Variants in TRPC7 observed in about 807,000 individuals in gnomAD.
TRPC7 encodes the protein short transient receptor potential channel 7.
A neutral mutation model predicts 90.1 loss-of-function variants in TRPC7; 42 were observed. That is an observed-to-expected ratio of 0.47 (90% confidence interval 0.36 to 0.60). TRPC7 has a LOEUF of 0.60. Among genes scored for constraint, TRPC7 ranks in the 20% least tolerant of loss-of-function variants. TRPC7 has a pLI of 0.00. For synonymous variants in TRPC7, 451 were observed against 436.3 expected, an observed-to-expected ratio of 1.03 and a Z score of -0.42; for missense variants, 955 against 1,112.3, an observed-to-expected ratio of 0.86 and a Z score of 2.01.
chr5:136,360,159 C>T (rs945198228), intron 1 of TRPC7, among the ~76,000 whole-genome samples: 6 of 152,114 alleles, frequency 3.9e-5, no homozygotes, highest in African/African-American at 1.4e-4. Context: ...CAAGTCATAG[C>T]AGAGAAATAT....
intron 2 of TRPC7, among the ~76,000 whole-genome samples, chr5:136,332,360 G>A (rs965266636): frequency 6.6e-6 from 1 of 152,140 alleles, no homozygotes; most frequent in Non-Finnish European, 1.5e-5. Flanking sequence ...TGCACGGACT[G>A]TGACGACTGC....
At chr5:136,270,222 ATC>A (rs2149813822) in intron 4 of TRPC7, among the ~76,000 whole-genome samples, 1 of 152,318 alleles carries the variant, frequency 6.6e-6, no homozygotes, top group African/African-American at 2.4e-5. Context: ...TTAAGTGCAG[ATC>A]TCTGGAGCCA....
chr5:136,320,020 A>T (rs1759140832), intron 2 of TRPC7, among the ~76,000 whole-genome samples: 1 of 152,038 alleles, frequency 6.6e-6, no homozygotes, highest in Non-Finnish European at 1.5e-5. Context: ...TCTTTCACCC[A>T]CCTTTCTTCT....
chr5:136,263,095 A>G (rs1756909197), intron 5 of TRPC7, among the ~76,000 whole-genome samples: 1 of 152,258 alleles, frequency 6.6e-6, no homozygotes, highest in Non-Finnish European at 1.5e-5. Context: ...GTGAAACTCC[A>G]CAAACAACTG....
chr5:136,231,744 A>G (rs1478224009), intron 7 of TRPC7, among the ~76,000 whole-genome samples, 195 bp from the exon 8 acceptor site: 1 of 152,074 alleles, frequency 6.6e-6, no homozygotes, highest in Non-Finnish European at 1.5e-5. Context: ...AGGTGGGACT[A>G]CAGCTGTGCA....
At position 136,251,728 on chromosome 5, in the gene TRPC7, C is replaced by T; in HGVS notation, c.1500G>A (p.Gln500=). The T allele has an allele frequency of 6.2e-7, 1 of 1,613,980 alleles. No individual in the cohort carries two copies. Among genetic ancestry groups the T allele is most frequent in the African/African-American group, 1.3e-5 (1 of 75,050 alleles). ...FMAFLKATEA[Q]LYVDQHVQDD... is the part of the protein sequence containing the mutation. ...CCTGCACGTGCTGGTCCACGTACAGCTGTGCCTCCGTGGCCTTCAGGAAGG... is the reference window on the plus strand; with the variant it reads ...CCTGCACGTGCTGGTCCACGTACAGTTGTGCCTCCGTGGCCTTCAGGAAGG... Residue 500 remains glutamine, a synonymous_variant, in exon 6 of 12, where the codon CAG becomes CAA. Transcript: ENST00000513104.
At chr5:136,363,949 A>T (rs1760646060) in intron 1 of TRPC7, among the ~76,000 whole-genome samples, 2 of 152,142 alleles carry the variant, frequency 1.3e-5, no homozygotes, top group Admixed American at 6.6e-5. Context: ...CTTTATTTTT[A>T]AAAAAGATTT....
At position 136,351,256 on chromosome 5, in the gene TRPC7, T is replaced by G. The variant is rs955832320; in HGVS notation, c.780+5352A>C. Among the ~76,000 whole-genome samples the G allele has an allele frequency of 7.2e-5, 11 of 152,304 alleles. No individual in the cohort carries two copies. In the South Asian group the frequency reaches 1.9e-3, roughly 26 times the overall value. On this transcript the variant is annotated intron_variant, in intron 2 of 11. Transcript: ENST00000513104. Reference sequence around the variant, plus strand: ...GAGGACTTTTCTTCTAGATTCTGTCTTACACACACAGGCACACATCACACA... The same window carrying G: ...GAGGACTTTTCTTCTAGATTCTGTCGTACACACACAGGCACACATCACACA...
intron 3 of TRPC7, among the ~76,000 whole-genome samples, chr5:136,312,327 G>A (rs1758858053): frequency 6.6e-6 from 1 of 152,118 alleles, no homozygotes; most frequent in Non-Finnish European, 1.5e-5. Context: ...CATTCTCTGG[G>A]GAGATAACAA....
intron 2 of TRPC7, among the ~76,000 whole-genome samples, chr5:136,342,449 G>A (rs1202091291): frequency 1.3e-5 from 2 of 152,186 alleles, no homozygotes; most frequent in East Asian, 3.9e-4. Flanking sequence ...GAGAGTAGGG[G>A]TTGTGTTTTG....
intron 6 of TRPC7, among the ~76,000 whole-genome samples, chr5:136,249,703 G>A (rs1561687209): frequency 6.6e-6 from 1 of 152,226 alleles, no homozygotes; most frequent in Non-Finnish European, 1.5e-5. Flanking sequence ...GAGTTGTGAT[G>A]AGTGTAGAAT....
At chr5:136,280,994 T>C (rs1350339564) in intron 3 of TRPC7, among the ~76,000 whole-genome samples, 4 of 152,206 alleles carry the variant, frequency 2.6e-5, no homozygotes, top group Admixed American at 2.6e-4. Context: ...CCAGGCCAGT[T>C]TGACATCAAA....
In TRPC7 at chr5:136,357,353, C is replaced by T. The variant is rs758800404; in HGVS notation, c.35G>A (p.Arg12His). 4.4e-6 allele frequency: 7 copies of T among 1,601,760 alleles called. No homozygotes were observed. The highest frequency in any genetic ancestry group is 4.5e-5 in the East Asian group (2 of 44,858). Residue 12 changes from arginine (R) to histidine (H), a missense_variant, in exon 2 of 12, where the codon CGC (arginine) becomes CAC (histidine). Transcript: ENST00000513104. ...LRNSTFKNMQ[R>H]RHTTLREKGR... ...CTTCTCCCTCAGCGTTGTGTGCCGG[C>T]GCTGCATGTTTTTGAAGGTGCTGTT...
intron 4 of TRPC7, among the ~76,000 whole-genome samples, chr5:136,267,810 A>G (rs1195302740): frequency 2.0e-5 from 3 of 152,234 alleles, no homozygotes; most frequent in Non-Finnish European, 4.4e-5. Flanking sequence ...TGCTTGTGTT[A>G]GAATTCATCT....
At chr5:136,272,025 TG>T (rs1214683177) in intron 4 of TRPC7, among the ~76,000 whole-genome samples, 1 of 152,180 alleles carries the variant, frequency 6.6e-6, no homozygotes, top group African/African-American at 2.4e-5. Flanking sequence ...AATGCACCAT[TG>T]GGTTGGAAAC....
chr5:136,343,871 G>A (rs186140836), intron 2 of TRPC7, among the ~76,000 whole-genome samples: 1 of 152,156 alleles, frequency 6.6e-6, no homozygotes, highest in African/African-American at 2.4e-5. Flanking sequence ...TGCAAAAAAG[G>A]TATTTTTAAT....
chr5:136,225,191 A>G, intron 10 of TRPC7, 83 bp downstream of exon 10: 1 of 1,229,126 alleles, frequency 8.1e-7, no homozygotes, highest in East Asian at 2.4e-5. Context: ...TTCTCGGGGG[A>G]TGACACAGTC....
At chr5:136,225,458 G>A in intron 9 of TRPC7, 104 bp from the exon 10 acceptor site, 2 of 1,128,560 alleles carry the variant, frequency 1.8e-6, no homozygotes, top group Non-Finnish European at 2.5e-6. Flanking sequence ...GGCTGTCTCA[G>A]TGAAGCAGCT....
chr5:136,313,815 A>G (rs867135089), intron 3 of TRPC7, among the ~76,000 whole-genome samples: 55 of 152,338 alleles, frequency 3.6e-4, no homozygotes, highest in African/African-American at 1.1e-3. Flanking sequence ...GGCAAATACC[A>G]CTGGAGCCAA....
Sources: allele counts gnomAD v4.1 joint callset (sites outside exome capture counted in the v4.1 genomes callset), GRCh38; gene constraint gnomAD v4.1.1; transcripts MANE v1.5; gene names NCBI Gene and HGNC (gene_info 2026-07-23, HGNC 2026-07-21).